XAF1: variants seen among roughly 807,000 people sequenced by gnomAD.
XAF1 encodes XIAP associated factor 1.
Under a neutral mutation model 32.3 loss-of-function variants are expected in XAF1, and 32 were observed. The ratio of observed to expected loss-of-function variants is 0.99; its 90% CI spans 0.75 to 1.33. The LOEUF (loss-of-function observed/expected upper bound fraction) is 1.33. Ranked by LOEUF, XAF1 falls within the 40% of genes most tolerant of loss-of-function variation. The pLI, the probability that XAF1 is intolerant of heterozygous loss-of-function variation, is 0.00. For missense variants in XAF1, 379 were observed against 366.0 expected (o/e 1.04, Z -0.29); for synonymous variants, 120 against 125.9 (o/e 0.95, Z 0.31).
chr17:6,756,371 T>C, intron 1 of XAF1: 2 of 1,113,770 alleles, frequency 1.8e-6, no homozygotes, highest in East Asian at 3.2e-5. Flanking sequence ...TGAAGCCAAA[T>C]AGCCCGGCCA....
chr17:6,758,046 GA>G, intron 1 of XAF1, 42 bp from the exon 2 acceptor site: 1 of 1,612,310 alleles, frequency 6.2e-7, no homozygotes, highest in South Asian at 1.1e-5. Context: ...TTTATAATAT[GA>G]AAATAAGTCT....
intron 6 of XAF1, chr17:6,771,231 C>A: frequency 2.4e-6 from 1 of 420,934 alleles, no homozygotes; most frequent in Non-Finnish European, 4.3e-6. Context: ...CCAGGTCCCT[C>A]TTCTCTGTGT....
intron 1 of XAF1, among the ~76,000 whole-genome samples, chr17:6,756,774 G>A (rs955998125): frequency 2.0e-5 from 3 of 152,178 alleles, no homozygotes; most frequent in African/African-American, 7.2e-5. Context: ...AGCAGAGGAA[G>A]GGAAGATGAT....
Position 6,759,591 on chromosome 17 carries a change from T to C in XAF1, c.169-71T>C, listed in dbSNP as rs554678551. On this transcript the variant is annotated intron_variant, in intron 2 of 6. Coordinates refer to ENST00000361842, the MANE Select transcript of XAF1 (RefSeq NM_017523.5). ...CCGGAACACTGTGAGCCAAAGTGGA[T>C]GTGGGGCAGGCCCTGGGTGCTGGGT... The C allele has an allele frequency of 9.4e-6, 15 of 1,602,864 alleles. No individual in the cohort carries two copies. The African/African-American group carries it at 1.9e-4, about 20-fold the overall frequency.
At chr17:6,760,325 G>C in intron 3 of XAF1, 81 bp from the exon 4 acceptor site, 2 of 1,358,038 alleles carry the variant, frequency 1.5e-6, no homozygotes, top group South Asian at 2.7e-5. Context: ...TCCAGCCTGG[G>C]CAACACAATG....
At chr17:6,761,529 GT>G (rs984118270) in intron 4 of XAF1, among the ~76,000 whole-genome samples, 1 of 152,172 alleles carries the variant, frequency 6.6e-6, no homozygotes, top group African/African-American at 2.4e-5. Flanking sequence ...TTTGCTAGTT[GT>G]TTTGGTAACA....
chr17:6,756,293 G>A, intron 1 of XAF1, 183 bp downstream of exon 1: 2 of 1,345,556 alleles, frequency 1.5e-6, no homozygotes, highest in East Asian at 3.0e-5. Context: ...CTGGGTGGGG[G>A]TGGGCAGCAT....
chr17:6,767,606 C>T (rs1975709395), intron 5 of XAF1, among the ~76,000 whole-genome samples: 1 of 152,090 alleles, frequency 6.6e-6, no homozygotes, highest in African/African-American at 2.4e-5. Context: ...GTTATTTCAC[C>T]ATCATTCTTT....
intron 2 of XAF1, 114 bp from the exon 3 acceptor site, chr17:6,759,548 G>A: frequency 1.9e-6 from 3 of 1,559,208 alleles, no homozygotes; most frequent in African/African-American, 1.3e-5. Context: ...TGCCCTCTGG[G>A]AGTTCACAGA....
At chr17:6,757,916 C>T (rs774005225) in intron 1 of XAF1, among the ~76,000 whole-genome samples, 173 bp from the exon 2 acceptor site, 4 of 152,166 alleles carry the variant, frequency 2.6e-5, no homozygotes, top group Non-Finnish European at 5.9e-5. Context: ...GATGCTGCCT[C>T]ACTGTTCTGA....
intron 6 of XAF1, chr17:6,772,887 C>T (rs1176689506): frequency 2.2e-6 from 1 of 455,536 alleles, no homozygotes. Flanking sequence ...GAGTGTTCTC[C>T]CATCTGTCCC....
At chr17:6,772,707 T>C (rs896538367) in intron 6 of XAF1, 1 of 160,856 alleles carries the variant, frequency 6.2e-6, no homozygotes, top group Non-Finnish European at 1.4e-5. Flanking sequence ...TGACCTCAGG[T>C]GATCCACCCG....
chr17:6,756,590 G>A (rs905362179), intron 1 of XAF1, among the ~76,000 whole-genome samples: 12 of 152,080 alleles, frequency 7.9e-5, no homozygotes, highest in East Asian at 7.7e-4. Flanking sequence ...GAGGGGGGGC[G>A]CGGAATCTGA....
At chr17:6,759,474 ACAAACACTT>A (rs1974997932) in intron 2 of XAF1, 179 bp from the exon 3 acceptor site, 1 of 1,434,964 alleles carries the variant, frequency 7.0e-7, no homozygotes, top group South Asian at 1.5e-5. Context: ...GACTGGTCTG[ACAAACACTT>A]CTTGAACACT....
At chr17:6,769,368 T>C (rs1333671257) in intron 5 of XAF1, among the ~76,000 whole-genome samples, 2 of 152,180 alleles carry the variant, frequency 1.3e-5, no homozygotes, top group African/African-American at 4.8e-5. Flanking sequence ...ACAATGTATA[T>C]ATATATTAAA....
At chr17:6,759,220 C>T (rs1974977128) in intron 2 of XAF1, 1 of 1,058,290 alleles carries the variant, frequency 9.4e-7, no homozygotes, top group Non-Finnish European at 1.1e-6. Context: ...TCTGAGTCTA[C>T]CTCCAGTTTT....
At chr17:6,764,143 T>C (rs538820528) in intron 5 of XAF1, among the ~76,000 whole-genome samples, 108 of 152,314 alleles carry the variant, frequency 7.1e-4, no homozygotes, top group Non-Finnish European at 1.3e-3. Context: ...CTGTGTAACC[T>C]CTCTGAGCTT....
chr17:6,763,831 G>A (rs1975396669), intron 5 of XAF1, among the ~76,000 whole-genome samples: 1 of 152,192 alleles, frequency 6.6e-6, no homozygotes, highest in Non-Finnish European at 1.5e-5. Context: ...GAGATGCGCT[G>A]CCCCAGCCAC....
rs1387037509 is a variant in XAF1 at position 6,760,493 on chromosome 17, T to C, written c.313T>C (p.Cys105Arg). The C allele has an allele frequency of 6.2e-7, 1 of 1,613,428 alleles. No individual in the cohort carries two copies. Among genetic ancestry groups the C allele is most frequent in the African/African-American group, 1.3e-5 (1 of 74,916 alleles). ...LSKLELHESYCGSRTELCQGC... is the reference protein window; with the variant it reads ...LSKLELHESYRGSRTELCQGC... ...CAAGCTGGAGCTCCACGAGTCCTAC[T>C]GTGGCAGCCGGACAGAGCTCTGCCA... The change falls in exon 4 of 7, where the codon TGT becomes CGT. Residue 105 changes from cysteine to arginine, a missense_variant. Coordinates refer to ENST00000361842, the MANE Select transcript of XAF1 (RefSeq NM_017523.5).
Sources: allele counts gnomAD v4.1 joint callset (sites outside exome capture counted in the v4.1 genomes callset), GRCh38; gene constraint gnomAD v4.1.1; transcripts MANE v1.5; gene names NCBI Gene and HGNC (gene_info 2026-07-23, HGNC 2026-07-21).